GSR: variants seen among roughly 807,000 people sequenced by gnomAD.
GSR encodes glutathione reductase, mitochondrial.
GSR carries 48 observed loss-of-function variants against 56.5 expected under a neutral mutation model. The observed-to-expected ratio is 0.85, with a 90% CI of 0.67 to 1.08. The LOEUF is 1.08. Ranked by LOEUF, GSR falls within the 50% of genes least tolerant of loss-of-function variation. The pLI, the probability that GSR is intolerant of heterozygous loss-of-function variation, is 0.00. For synonymous variants in GSR, 264 were observed against 270.8 expected (o/e 0.97, Z 0.25); for missense variants, 694 against 703.3 (o/e 0.99, Z 0.15).
chr8:30,708,864 CAGG>C (rs1353034551), intron 3 of GSR, among the ~76,000 whole-genome samples: 1 of 147,400 alleles, frequency 6.8e-6, no homozygotes, highest in African/African-American at 2.5e-5. Context: ...GAGGCTGAGG[CAGG>C]AGAATGGCGT....
intron 8 of GSR, among the ~76,000 whole-genome samples, chr8:30,691,053 AG>A (rs1288861143): frequency 3.3e-5 from 5 of 152,026 alleles, no homozygotes; most frequent in African/African-American, 1.2e-4. Flanking sequence ...CCTTGTGTCA[AG>A]AAAAATAATT....
intron 4 of GSR, among the ~76,000 whole-genome samples, chr8:30,703,790 G>GGAAGAAGGAGGAGGAGGA (rs1345429242): frequency 6.7e-6 from 1 of 150,090 alleles, no homozygotes. Context: ...AGCAGGGGAA[G>GGAAGAAGGAGGAGGAGGA]GAAGAAGGAG....
chr8:30,702,964 G>C lies in GSR; in HGVS notation c.640+129C>G. 6.2e-6 allele frequency: 6 copies of C among 966,094 alleles called. No individual in the cohort carries two copies. The South Asian group carries it at 8.1e-5, about 13-fold the overall frequency. The allele number at this position is 966,094 out of a possible 1,614,324, so 59.8% of individuals were successfully genotyped here. On this transcript the variant is annotated intron_variant, in intron 5 of 12. Coordinates refer to ENST00000221130, the MANE Select transcript of GSR (RefSeq NM_000637.5). ...AAGCCAACTGGAGTTAGGTTCTGCA[G>C]AGACCTTCTCCCATGGCCTGGCTCC...
rs1202029785 is a variant in GSR, at chr8:30,698,522, G to T, written c.695+1559C>A. Among the ~76,000 whole-genome samples the T allele has an allele frequency of 2.6e-5, 4 of 152,244 alleles. No individual in the cohort carries two copies. The East Asian group carries it at 7.7e-4, about 29-fold the overall frequency. On this transcript the variant is annotated intron_variant, in intron 6 of 12. Coordinates refer to ENST00000221130, the MANE Select transcript of GSR (RefSeq NM_000637.5). Reference sequence around the variant, plus strand: ...GATAGCAAACCAAAAAAGATTGTATGGTTTTCTTAGAACTCCTCCAAGTCA... The same window carrying T: ...GATAGCAAACCAAAAAAGATTGTATTGTTTTCTTAGAACTCCTCCAAGTCA...
chr8:30,681,109 G>T, intron 11 of GSR, 72 bp from the exon 12 acceptor site: 9 of 1,240,806 alleles, frequency 7.3e-6, no homozygotes, highest in South Asian at 7.2e-5. Flanking sequence ...AGAGGGAGAT[G>T]ACCAGAAATA....
chr8:30,717,456 G>A (rs937270307), intron 1 of GSR, among the ~76,000 whole-genome samples: 4 of 151,806 alleles, frequency 2.6e-5, no homozygotes, highest in Non-Finnish European at 4.4e-5. Context: ...GCTGCAGCAG[G>A]AGGTGAGTGG....
intron 1 of GSR, among the ~76,000 whole-genome samples, chr8:30,718,117 A>AATAC: frequency 6.6e-6 from 1 of 151,210 alleles, no homozygotes; most frequent in South Asian, 2.1e-4. Context: ...AATAAAAATA[A>AATAC]ATAAATAAAT....
intron 4 of GSR, among the ~76,000 whole-genome samples, chr8:30,704,130 G>A (rs958553269): frequency 6.6e-6 from 1 of 152,078 alleles, no homozygotes; most frequent in Non-Finnish European, 1.5e-5. Context: ...TTCGAGACCA[G>A]CCTGACCAAC....
chr8:30,699,600 C>T (rs893596718), intron 6 of GSR, among the ~76,000 whole-genome samples: 1 of 151,880 alleles, frequency 6.6e-6, no homozygotes, highest in African/African-American at 2.4e-5. Context: ...CACACCACCA[C>T]ACCCAGCTAA....
chr8:30,725,918 G>C lies in GSR; in HGVS notation c.306+1612C>G, dbSNP rs8190899. On this transcript the variant is annotated intron_variant, in intron 1 of 12. Coordinates refer to ENST00000221130, the MANE Select transcript of GSR (RefSeq NM_000637.5). ...AAAAAAAAGAATTCATAACAGGAAG[G>C]TAAAGTGGGTGAACCTCTGAAGCAC... 2.9e-3 allele frequency among the ~76,000 whole-genome samples: 432 copies of C among 151,512 alleles called. 3 individuals are homozygous for C. The highest frequency in any genetic ancestry group is 9.9e-3 in the African/African-American group (405 of 41,072).
chr8:30,716,101 C>T (rs1804324800), intron 1 of GSR, among the ~76,000 whole-genome samples: 1 of 152,114 alleles, frequency 6.6e-6, no homozygotes. Flanking sequence ...TTGTGCCAGG[C>T]ATTATGCAAG....
chr8:30,706,189 A>G (rs903967665), intron 4 of GSR, among the ~76,000 whole-genome samples: 11 of 151,520 alleles, frequency 7.3e-5, no homozygotes, highest in Non-Finnish European at 1.5e-4. Context: ...AAAAAAAAAA[A>G]AGTTACTGAT....
rs1364141564 is a variant in GSR at position 30,689,744 on chromosome 8, GTGTA to G, written c.883-429_883-426del. Among the ~76,000 whole-genome samples, 491 of 49,190 alleles carry G rather than the reference GTGTA, an allele frequency of 1.0e-2. 4 individuals are homozygous for G. The highest frequency in any genetic ancestry group is 0.03 in the African/African-American group (349 of 11,540). 32.3% of individuals were successfully genotyped at this position (49,190 alleles called of 152,430 possible). A position where few individuals can be genotyped will look rare whatever the true frequency, so the allele number is the denominator to read the frequency against. On this transcript the variant is annotated intron_variant, in intron 8 of 12. Transcript: ENST00000221130. ...TCTCCCTGGGTATATACGTGTGTGT[GTGTA>G]TATATATATATATACACACACACAT...
At chr8:30,718,019 TG>T (rs1416487197) in intron 1 of GSR, among the ~76,000 whole-genome samples, 1 of 151,942 alleles carries the variant, frequency 6.6e-6, no homozygotes, top group Non-Finnish European at 1.5e-5. Context: ...GAGAATCGCT[TG>T]AACCCAGGAG....
chr8:30,699,263 C>G (rs1803648421), intron 6 of GSR, among the ~76,000 whole-genome samples: 1 of 151,898 alleles, frequency 6.6e-6, no homozygotes, highest in Non-Finnish European at 1.5e-5. Flanking sequence ...TGCACTCCTG[C>G]CTGGGCGATG....
intron 4 of GSR, among the ~76,000 whole-genome samples, chr8:30,706,725 C>T (rs1803933455): frequency 6.6e-6 from 1 of 152,170 alleles, no homozygotes; most frequent in African/African-American, 2.4e-5. Flanking sequence ...GGATGACATA[C>T]AGTTGCTGGA....
intron 1 of GSR, among the ~76,000 whole-genome samples, chr8:30,719,104 ATTT>A (rs35944160): frequency 3.7e-4 from 27 of 73,638 alleles, no homozygotes; most frequent in Admixed American, 4.9e-4. Flanking sequence ...TAATTTTTAA[ATTT>A]TTTTTTTTTT....
chr8:30,701,966 G>A (rs1803757717), intron 5 of GSR, among the ~76,000 whole-genome samples: 2 of 151,934 alleles, frequency 1.3e-5, no homozygotes, highest in African/African-American at 4.8e-5. Flanking sequence ...AAACGTCCTG[G>A]TCAAGGCCTT....
At chr8:30,693,714 A>G (rs1253594735) in intron 7 of GSR, among the ~76,000 whole-genome samples, 6 of 152,150 alleles carry the variant, frequency 3.9e-5, no homozygotes, top group Admixed American at 3.9e-4. Context: ...TTTTTAGTAG[A>G]GACGGGGTTT....
Sources: allele counts gnomAD v4.1 joint callset (sites outside exome capture counted in the v4.1 genomes callset), GRCh38; gene constraint gnomAD v4.1.1; transcripts MANE v1.5; gene names NCBI Gene and HGNC (gene_info 2026-07-23, HGNC 2026-07-21).